Variants in DCC observed in about 807,000 individuals in gnomAD.
DCC encodes DCC netrin 1 receptor.
In DCC, 58 loss-of-function variants were observed where a neutral mutation model predicts 172.5. The observed-to-expected ratio is 0.34, with a 90% CI of 0.27 to 0.42. The LOEUF is 0.42. Ranked by LOEUF, DCC falls within the 10% of genes least tolerant of loss-of-function variation. The pLI, the probability that DCC is intolerant of heterozygous loss-of-function variation, is 1.00. For missense variants in DCC, 1,740 were observed against 1,791.0 expected (o/e 0.97, Z 0.51); for synonymous variants, 709 against 644.5 (o/e 1.10, Z -1.52).
intron 2 of DCC, among the ~76,000 whole-genome samples, chr18:52,824,868 G>T (rs1218236242): frequency 6.6e-6 from 1 of 152,050 alleles, no homozygotes; most frequent in Non-Finnish European, 1.5e-5. Flanking sequence ...TACTTGGGAG[G>T]CTGAGGCAGG....
At chr18:53,240,360 A>T (rs1271219807) in intron 12 of DCC, among the ~76,000 whole-genome samples, 2 of 152,152 alleles carry the variant, frequency 1.3e-5, no homozygotes, top group Non-Finnish European at 2.9e-5. Context: ...ATGTCTTATC[A>T]AGAATTGTGG....
chr18:53,348,357 T>G (rs1211078722), intron 15 of DCC, among the ~76,000 whole-genome samples: 2 of 152,212 alleles, frequency 1.3e-5, no homozygotes, highest in African/African-American at 2.4e-5. Context: ...CAGGTCACAC[T>G]GATGCAAGAC....
intron 1 of DCC, among the ~76,000 whole-genome samples, chr18:52,487,565 C>A (rs571102041): frequency 6.6e-6 from 1 of 152,172 alleles, no homozygotes; most frequent in African/African-American, 2.4e-5. Context: ...AATCCCAGCA[C>A]TTTAGGAGGC....
chr18:52,383,367 T>C (rs1360910516), intron 1 of DCC, among the ~76,000 whole-genome samples: 11 of 152,094 alleles, frequency 7.2e-5, no homozygotes, highest in Non-Finnish European at 1.6e-4. Context: ...GAGGGATTAG[T>C]GTTTTATATT....
intron 5 of DCC, among the ~76,000 whole-genome samples, chr18:53,044,127 C>G (rs2042205741): frequency 6.6e-6 from 1 of 151,866 alleles, no homozygotes; most frequent in African/African-American, 2.4e-5. Context: ...CATATCTTCT[C>G]CTTTCAAAGG....
rs181921030 is a variant in DCC, at chr18:52,800,753, G to C, written c.412+48379G>C. On this transcript the variant is annotated intron_variant, in intron 2 of 28. Coordinates refer to ENST00000442544, the MANE Select transcript of DCC (RefSeq NM_005215.4). ...TCCTGAGAGGCTGCAGAGTATAGTAGAGTAAAAGCAAGAGAAGTTTTCTTT... is the reference window on the plus strand; with the variant it reads ...TCCTGAGAGGCTGCAGAGTATAGTACAGTAAAAGCAAGAGAAGTTTTCTTT... 2.0e-5 allele frequency among the ~76,000 whole-genome samples: 3 copies of C among 152,300 alleles called. No homozygotes were observed. In the East Asian group the frequency reaches 5.8e-4, roughly 29 times the overall value.
At chr18:53,038,652 C>A (rs1382991483) in intron 5 of DCC, among the ~76,000 whole-genome samples, 1 of 146,920 alleles carries the variant, frequency 6.8e-6, no homozygotes, top group Non-Finnish European at 1.5e-5. Context: ...TCATTGCCCC[C>A]AAATTCCATG....
At chr18:53,252,719 C>T (rs1229994499) in intron 12 of DCC, among the ~76,000 whole-genome samples, 3 of 151,952 alleles carry the variant, frequency 2.0e-5, no homozygotes, top group East Asian at 1.9e-4. Flanking sequence ...AAGATGTTGA[C>T]TTGTCTATCT....
At chr18:52,792,621 T>C (rs1206463026) in intron 2 of DCC, among the ~76,000 whole-genome samples, 2 of 152,242 alleles carry the variant, frequency 1.3e-5, no homozygotes, top group Non-Finnish European at 2.9e-5. Flanking sequence ...ATTCTCCATG[T>C]TCTCTCCAGT....
chr18:53,124,123 A>C (rs2043521477), intron 7 of DCC, among the ~76,000 whole-genome samples: 2 of 152,074 alleles, frequency 1.3e-5, no homozygotes. Flanking sequence ...TTCCTGTAAT[A>C]ACACTTTTCA....
chr18:53,146,386 C>A (rs548998958), intron 7 of DCC, among the ~76,000 whole-genome samples: 2 of 152,200 alleles, frequency 1.3e-5, no homozygotes, highest in African/African-American at 4.8e-5. Flanking sequence ...CTTGTGGCTG[C>A]ATCCTCTATG....
At chr18:53,502,295 T>G (rs2046110883) in intron 27 of DCC, among the ~76,000 whole-genome samples, 1 of 152,212 alleles carries the variant, frequency 6.6e-6, no homozygotes, top group Non-Finnish European at 1.5e-5. Flanking sequence ...ATTAAATTCT[T>G]TTTCCTTTAG....
At chr18:52,618,276 C>T (rs1383070979) in intron 1 of DCC, among the ~76,000 whole-genome samples, 1 of 152,012 alleles carries the variant, frequency 6.6e-6, no homozygotes, top group Non-Finnish European at 1.5e-5. Context: ...GGAATATGAC[C>T]TCCTGGCAAA....
intron 22 of DCC, among the ~76,000 whole-genome samples, chr18:53,449,768 C>G (rs929205338): frequency 1.3e-5 from 2 of 152,132 alleles, no homozygotes; most frequent in Non-Finnish European, 2.9e-5. Flanking sequence ...GCGCCATAAA[C>G]TCACCCTTTG....
intron 1 of DCC, among the ~76,000 whole-genome samples, chr18:52,567,991 A>T (rs561109313): frequency 2.6e-5 from 4 of 152,154 alleles, no homozygotes; most frequent in Non-Finnish European, 4.4e-5. Context: ...TAAAGTCTGT[A>T]GTTTAGTTTG....
At chr18:53,335,333 A>C (rs2057579604) in intron 14 of DCC, among the ~76,000 whole-genome samples, 1 of 152,128 alleles carries the variant, frequency 6.6e-6, no homozygotes, top group Non-Finnish European at 1.5e-5. Context: ...TTATTTGTTT[A>C]TTAGGACTTA....
intron 2 of DCC, among the ~76,000 whole-genome samples, chr18:52,769,164 C>T (rs1336400217): frequency 6.6e-6 from 1 of 152,180 alleles, no homozygotes; most frequent in Non-Finnish European, 1.5e-5. Context: ...AAATTATCTT[C>T]CAAAGTGGAT....
intron 24 of DCC, among the ~76,000 whole-genome samples, chr18:53,467,166 TTA>T (rs540752442): frequency 6.6e-5 from 10 of 150,696 alleles, no homozygotes; most frequent in Admixed American, 1.3e-4. Flanking sequence ...AGGTGTGTAC[TTA>T]TATATATATA....
chr18:53,525,261 A>G (rs1012404368), intron 27 of DCC, among the ~76,000 whole-genome samples: 2 of 152,134 alleles, frequency 1.3e-5, no homozygotes, highest in Non-Finnish European at 1.5e-5. Context: ...ATTTTGTCCA[A>G]AATGAAACTA....
Sources: allele counts gnomAD v4.1 joint callset (sites outside exome capture counted in the v4.1 genomes callset), GRCh38; gene constraint gnomAD v4.1.1; transcripts MANE v1.5; gene names NCBI Gene and HGNC (gene_info 2026-07-23, HGNC 2026-07-21).